PROZ: variants seen among roughly 807,000 people sequenced by gnomAD.
The protein encoded by PROZ is vitamin K-dependent protein Z.
PROZ carries 46 observed loss-of-function variants against 34.9 expected under a neutral mutation model. The observed-to-expected ratio is 1.32, with a 90% CI of 1.04 to 1.69. PROZ has a LOEUF of 1.69. PROZ is among the 40% of genes most tolerant of loss of function. The pLI is 0.00. For synonymous variants in PROZ, 195 were observed against 208.5 expected, an observed-to-expected ratio of 0.94 and a Z score of 0.56; for missense variants, 530 against 520.4, an observed-to-expected ratio of 1.02 and a Z score of -0.18.
chr13:113,159,923 G>C lies in PROZ; in HGVS notation c.71-91G>C, dbSNP rs1038756844. The C allele has an allele frequency of 8.0e-6, 12 of 1,499,264 alleles. No individual in the cohort carries two copies. In the East Asian group the frequency reaches 2.7e-4, roughly 34 times the overall value. The allele number at this position is 1,499,264 out of a possible 1,614,324, so 92.9% of individuals were successfully genotyped here. ...AGCCTGTGGAGACGGACGGGGCTGG[G>C]GCTGGCGGCCGGCCGGGGAGGAAGC... On this transcript the variant is annotated intron_variant, in intron 1 of 7. Transcript: ENST00000375547. The surrounding 1 kb of genome is among the most constrained non-coding windows in gnomAD (Gnocchi z 4.6).
At position 113,160,981 on chromosome 13, in the gene PROZ, T is replaced by C. The variant is rs374288141; in HGVS notation, c.259+9T>C. ...CTGGAGACGATATAAGGGTAAGTGGTTTCCTTCGTCTCCTCAGAAGTATTA... is the reference window on the plus strand; with the variant it reads ...CTGGAGACGATATAAGGGTAAGTGGCTTCCTTCGTCTCCTCAGAAGTATTA... On this transcript the variant is annotated intron_variant, in intron 3 of 7. Coordinates refer to ENST00000375547, the MANE Select transcript of PROZ (RefSeq NM_003891.3). 4.3e-5 allele frequency: 69 copies of C among 1,605,954 alleles called. No homozygotes were observed. The highest frequency in any genetic ancestry group is 5.2e-5 in the Non-Finnish European group (61 of 1,173,342).
At position 113,172,316 on chromosome 13, in the gene PROZ, A is replaced by C; in HGVS notation, c.*211A>C. The C allele has an allele frequency of 2.8e-5, 17 of 617,318 alleles. No homozygotes were observed. Among genetic ancestry groups the C allele is most frequent in the African/African-American group, 3.7e-5 (2 of 54,248 alleles). 38.2% of individuals were successfully genotyped at this position (617,318 alleles called of 1,614,324 possible). A position where few individuals can be genotyped will look rare whatever the true frequency, so the allele number is the denominator to read the frequency against. On this transcript the variant is annotated 3_prime_UTR_variant, in exon 8 of 8. Transcript: ENST00000375547. ...TTCTTTCCCTGGAACTCTTTATCTC[A>C]ATAGAGACCTTAAAAGAAAACATGA...
rs2036885183 is a variant in PROZ at position 113,165,099 on chromosome 13, T to A, written c.552T>A (p.Asp184Glu). 6.2e-7 allele frequency: 1 copy of A among 1,612,452 alleles called. No homozygotes were observed. Among genetic ancestry groups the A allele is most frequent in the African/African-American group, 1.3e-5 (1 of 74,928 alleles). ...TGACCTCTGAGAAGCGTGCACCGGA[T>A]CTACAGGACCTCCCGTGGCAGGTAA... The part of the protein sequence containing the change: ...GVLTSEKRAP[D>E]LQDLPWQVKL... The change falls in exon 6 of 8, where the codon GAT (aspartate) becomes GAA (glutamate). Residue 184 changes from aspartate to glutamate, a missense_variant. Physicochemically the swap from Asp to Glu is conservative, Grantham distance 45. Transcript: ENST00000375547.
chr13:113,162,934 C>G, intron 3 of PROZ, 75 bp from the exon 4 acceptor site: 2 of 815,900 alleles, frequency 2.5e-6, no homozygotes, highest in South Asian at 3.3e-5. Context: ...CCATTCCTGT[C>G]ACCACCCCCA....
At position 113,158,697 on chromosome 13, in the gene PROZ, CTGG is replaced by C; in HGVS notation, c.39_41del (p.Val14del). On this transcript the variant is annotated inframe_deletion, in exon 1 of 8. Coordinates refer to ENST00000375547, the MANE Select transcript of PROZ (RefSeq NM_003891.3). The surrounding 1 kb of genome is among the most constrained non-coding windows in gnomAD (Gnocchi z 4.3). ...CGTCCCACTGCTCCAGGGCCTGGTC[CTGG>C]TCCTCGCCCTCCATCGTGTGGAGCC... 1 of 1,606,894 alleles carries C rather than the reference CTGG, an allele frequency of 6.2e-7. No individual in the cohort carries two copies. Among genetic ancestry groups the C allele is most frequent in the South Asian group, 1.1e-5 (1 of 89,430 alleles).
intron 3 of PROZ, among the ~76,000 whole-genome samples, 191 bp downstream of exon 3, chr13:113,161,163 CA>C (rs1304049241): frequency 6.6e-6 from 1 of 152,216 alleles, no homozygotes; most frequent in Admixed American, 6.5e-5. Context: ...CGGGCTCTGC[CA>C]CCAGGGCCAC....
At chr13:113,160,370 G>C (rs576214910) in intron 2 of PROZ, among the ~76,000 whole-genome samples, 193 bp downstream of exon 2, 4 of 152,258 alleles carry the variant, frequency 2.6e-5, no homozygotes, top group South Asian at 4.2e-4. Flanking sequence ...CTACAGCAGT[G>C]AGTGGGGCTG....
rs1264049014 is a variant in PROZ, at chr13:113,160,090, C to G, written c.147C>G (p.Leu49=). The change falls in exon 2 of 8, where the codon CTC becomes CTG. Residue 49 remains leucine (L), a synonymous_variant. Transcript: ENST00000375547. The part of the protein sequence containing the change: ...KRAGSYLLEE[L]FEGNLEKECY... ...CGGGCTCCTATCTTCTGGAAGAACT[C>G]TTCGAGGGAAACTTGGAAAAAGAAT... 1 of 1,614,144 alleles carries G rather than the reference C, an allele frequency of 6.2e-7. No homozygotes were observed. The highest frequency in any genetic ancestry group is 8.5e-7 in the Non-Finnish European group (1 of 1,180,022).
intron 4 of PROZ, 75 bp downstream of exon 4, chr13:113,163,197 A>C (rs2036797698): frequency 8.1e-7 from 1 of 1,232,100 alleles, no homozygotes; most frequent in African/African-American, 1.5e-5. Flanking sequence ...CCAGAGTCCC[A>C]ATGGGCCCCT....
At chr13:113,168,537 T>G (rs1439236985) in intron 6 of PROZ, among the ~76,000 whole-genome samples, 2 of 152,260 alleles carry the variant, frequency 1.3e-5, no homozygotes, top group Admixed American at 1.3e-4. Flanking sequence ...CTGCTGTTCC[T>G]CACATGTCCT....
At chr13:113,170,324 G>T in intron 6 of PROZ, 89 bp from the exon 7 acceptor site, 1 of 798,398 alleles carries the variant, frequency 1.3e-6, no homozygotes. Flanking sequence ...GGGGTGGGGG[G>T]GTGGTCCATA....
chr13:113,160,814 G>C, intron 2 of PROZ, 134 bp from the exon 3 acceptor site: 1 of 752,240 alleles, frequency 1.3e-6, no homozygotes, highest in African/African-American at 1.7e-5. Flanking sequence ...CAGGAAAATT[G>C]TGCATTGTTT....
Position 113,159,149 on chromosome 13 carries a change from C to A in PROZ, c.70+419C>A. 1.5e-6 allele frequency: 2 copies of A among 1,363,860 alleles called. No homozygotes were observed. Among genetic ancestry groups the A allele is most frequent in the Non-Finnish European group, 2.0e-6 (2 of 977,418 alleles). 84.5% of individuals were successfully genotyped at this position (1,363,860 alleles called of 1,614,324 possible). ...GAATGCCCAGTCTTGAGTCAGGAGA[C>A]ATAGCCAGGGAGCAGCCACCCTGCC... is the stretch of plus-strand genomic sequence containing the variant. On this transcript the variant is annotated intron_variant, in intron 1 of 7. Transcript: ENST00000375547. This position sits in a 1 kb window ranked among gnomAD's most constrained non-coding sequence, Gnocchi z 4.6.
chr13:113,170,250 T>C (rs2037068944), intron 6 of PROZ, among the ~76,000 whole-genome samples, 163 bp from the exon 7 acceptor site: 2 of 132,644 alleles, frequency 1.5e-5, no homozygotes, highest in African/African-American at 2.8e-5. Context: ...AACAATCCTG[T>C]ACCATTTGAG....
Position 113,172,380 on chromosome 13 carries a change from T to A in PROZ, c.*275T>A, listed in dbSNP as rs1445287976. 2.9e-5 allele frequency: 13 copies of A among 452,624 alleles called. No homozygotes were observed. The highest frequency in any genetic ancestry group is 5.3e-5 in the Non-Finnish European group (13 of 246,564). The allele number at this position is 452,624 out of a possible 1,614,324, so 28.0% of individuals were successfully genotyped here. A position where few individuals can be genotyped will look rare whatever the true frequency, so the allele number is the denominator to read the frequency against. On this transcript the variant is annotated 3_prime_UTR_variant, in exon 8 of 8. Transcript: ENST00000375547. ...ATAAAATAAGATAATCTGTCAGTCA[T>A]AAAGCAGCCTGGTTTCCAGAAATTC...
chr13:113,163,225 A>T (rs1013941185), intron 4 of PROZ, 103 bp downstream of exon 4: 11 of 1,005,704 alleles, frequency 1.1e-5, no homozygotes, highest in Non-Finnish European at 1.2e-5. Flanking sequence ...TGTAGCCATG[A>T]AGGTGCCTGT....
chr13:113,171,559 G>C lies in PROZ; in HGVS notation c.692-35G>C. On this transcript the variant is annotated intron_variant, in intron 7 of 7. Coordinates refer to ENST00000375547, the MANE Select transcript of PROZ (RefSeq NM_003891.3). This position sits in a 1 kb window ranked among gnomAD's most constrained non-coding sequence, Gnocchi z 5.1. ...GAGCATTATGTCCCCTTGAAAATCAGACTGTAAAGAACTGACGATTGTTCA... is the reference window on the plus strand; with the variant it reads ...GAGCATTATGTCCCCTTGAAAATCACACTGTAAAGAACTGACGATTGTTCA... 2 of 1,613,572 alleles carry C rather than the reference G, an allele frequency of 1.2e-6. No individual in the cohort carries two copies. The highest frequency in any genetic ancestry group is 1.7e-6 in the Non-Finnish European group (2 of 1,179,978).
intron 6 of PROZ, 60 bp downstream of exon 6, chr13:113,165,180 T>G: frequency 6.6e-7 from 1 of 1,524,834 alleles, no homozygotes; most frequent in Non-Finnish European, 9.0e-7. Flanking sequence ...TCACTTGTCA[T>G]TTCCTAAATA....
chr13:113,160,319 A>G, intron 2 of PROZ, 142 bp downstream of exon 2: 1 of 1,105,420 alleles, frequency 9.0e-7, no homozygotes, highest in South Asian at 1.3e-5. Flanking sequence ...AGTTTTACAG[A>G]TGAGGAAACA....
Sources: gnomAD v4.1 joint callset for allele counts (sites outside exome capture counted in the v4.1 genomes callset) on GRCh38, gnomAD v4.1.1 for gene constraint, Gnocchi (gnomAD v3.1) non-coding constraint, MANE v1.5 for transcripts, NCBI Gene and HGNC (gene_info 2026-07-23, HGNC 2026-07-21) for gene names.